Variants in PKD1L1 observed in about 807,000 individuals in gnomAD.
PKD1L1 encodes the protein polycystin 1 like 1, transient receptor potential channel interacting.
Under a neutral mutation model 323.4 loss-of-function variants are expected in PKD1L1, and 236 were observed. The ratio of observed to expected loss-of-function variants is 0.73; its 90% CI spans 0.66 to 0.81. The LOEUF (loss-of-function observed/expected upper bound fraction) is 0.81, where lower values mean the gene tolerates loss of function less well. Ranked by LOEUF, PKD1L1 falls within the 40% of genes least tolerant of loss-of-function variation. The pLI, the probability that PKD1L1 is intolerant of heterozygous loss-of-function variation, is 0.00. For synonymous variants in PKD1L1, 1,344 were observed against 1,335.0 expected (o/e 1.01, Z -0.15); for missense variants, 3,320 against 3,508.0 (o/e 0.95, Z 1.35).
At chr7:47,956,325 A>T in the PKD1L1 span, among the ~76,000 whole-genome samples, 18 of 152,222 alleles carry the variant, frequency 1.2e-4, no homozygotes, top group Non-Finnish European at 1.8e-4. Context: ...GACTCTTCAC[A>T]GGGGCACACT....
At chr7:47,888,213 A>C in intron 16 of PKD1L1, 63 bp from the exon 17 acceptor site, 1 of 1,515,638 alleles carries the variant, frequency 6.6e-7, no homozygotes, top group Non-Finnish European at 9.1e-7. Flanking sequence ...TGGTCACATT[A>C]ATTCATGTTA....
In PKD1L1 at chr7:47,775,048, T is replaced by G; in HGVS notation, c.*95A>C. 7.3e-7 allele frequency: 1 copy of G among 1,369,268 alleles called. No individual in the cohort carries two copies. 84.8% of individuals were successfully genotyped at this position (1,369,268 alleles called of 1,614,324 possible). On this transcript the variant is annotated 3_prime_UTR_variant, in exon 57 of 57. Coordinates refer to ENST00000289672, the MANE Select transcript of PKD1L1 (RefSeq NM_138295.5). ...ACAAAACTTCTTCGTACCTCAGCTC[T>G]TCTCACCTGCAAAACTAGGATGTCT...
chr7:47,950,553 C>CA (rs555179595), upstream of PKD1L1, among the ~76,000 whole-genome samples: 44 of 152,016 alleles, frequency 2.9e-4, no homozygotes, highest in African/African-American at 8.4e-4. Flanking sequence ...ACTAAAAATA[C>CA]AAAAAAATTA....
chr7:47,841,075 A>T (rs922411842), intron 34 of PKD1L1, among the ~76,000 whole-genome samples: 7 of 152,172 alleles, frequency 4.6e-5, no homozygotes, highest in Non-Finnish European at 1.0e-4. Flanking sequence ...CACTTATCAA[A>T]TTTTCATTTA....
At chr7:47,898,733 T>C (rs1312913523) in intron 13 of PKD1L1, among the ~76,000 whole-genome samples, 3 of 152,114 alleles carry the variant, frequency 2.0e-5, no homozygotes, top group Non-Finnish European at 4.4e-5. Context: ...CTCTAAAAAC[T>C]AAGGGAATTT....
Position 47,831,206 on chromosome 7 carries a change from C to A in PKD1L1, c.6473+11G>T. 1 of 1,609,170 alleles carries A rather than the reference C, an allele frequency of 6.2e-7. No individual in the cohort carries two copies. The highest frequency in any genetic ancestry group is 2.2e-5 in the East Asian group (1 of 44,868). On this transcript the variant is annotated intron_variant, in intron 42 of 56. Transcript: ENST00000289672. ...AGGACCTGAGGATGTTTGAAAAACT[C>A]TACAGCTCACCTGTAGGCTAGAAAT...
At chr7:47,832,144 G>C (rs1052770932) in intron 41 of PKD1L1, among the ~76,000 whole-genome samples, 1 of 152,220 alleles carries the variant, frequency 6.6e-6, no homozygotes, top group East Asian at 1.9e-4. Context: ...TAGGCAAACC[G>C]AGGGACACTG....
chr7:47,869,536 T>A lies in PKD1L1; in HGVS notation c.3897-2922A>T, dbSNP rs550711074. Among the ~76,000 whole-genome samples, 7 of 152,284 alleles carry A rather than the reference T, an allele frequency of 4.6e-5. No homozygotes were observed. In the South Asian group the frequency reaches 1.4e-3, roughly 32 times the overall value. On this transcript the variant is annotated intron_variant, in intron 24 of 56. Coordinates refer to ENST00000289672, the MANE Select transcript of PKD1L1 (RefSeq NM_138295.5). ...AAAGAGGGACATTTCCTAATGATAA[T>A]GTAGGTAAATTCACCAGGAAGGTTA...
chr7:47,951,938 C>A (rs1367865698), upstream of PKD1L1, among the ~76,000 whole-genome samples: 1 of 152,194 alleles, frequency 6.6e-6, no homozygotes, highest in Admixed American at 6.5e-5. Flanking sequence ...ACCTGGCCCA[C>A]CAGCATCACT....
chr7:47,802,303 C>A (rs1784681183), intron 53 of PKD1L1, among the ~76,000 whole-genome samples: 1 of 151,978 alleles, frequency 6.6e-6, no homozygotes, highest in South Asian at 2.1e-4. Context: ...CCAGTAGTAA[C>A]CTTCGGGGCA....
At chr7:47,828,497 G>A (rs1347709214) in intron 44 of PKD1L1, among the ~76,000 whole-genome samples, 1 of 152,062 alleles carries the variant, frequency 6.6e-6, no homozygotes, top group African/African-American at 2.4e-5. Flanking sequence ...AGGGCAAGGT[G>A]GGCCAGGTTT....
intron 3 of PKD1L1, among the ~76,000 whole-genome samples, chr7:47,938,705 C>T (rs1787918924): frequency 6.6e-6 from 1 of 152,142 alleles, no homozygotes; most frequent in African/African-American, 2.4e-5. Context: ...CACATTTCAC[C>T]AGGACCAAGC....
At chr7:47,933,375 T>C (rs1310348903) in intron 4 of PKD1L1, among the ~76,000 whole-genome samples, 2 of 152,202 alleles carry the variant, frequency 1.3e-5, no homozygotes, top group African/African-American at 4.8e-5. Flanking sequence ...CTTTAAAACT[T>C]GAGCCTCTCA....
At position 47,859,153 on chromosome 7, in the gene PKD1L1, C is replaced by T. The variant is rs2053987; in HGVS notation, c.4150-268G>A. Among the ~76,000 whole-genome samples, 85,027 of 152,104 alleles carry T rather than the reference C, an allele frequency of 0.56. 23,828 individuals carry two copies. The highest frequency in any genetic ancestry group is 0.6 in the South Asian group (2,896 of 4,810). On this transcript the variant is annotated intron_variant, in intron 26 of 56. Transcript: ENST00000289672. ...ATTGGCCAGCTTCCTAAGTAGCAAGCTGCTTTTTGATATTCGGCCTCTTGA... is the reference window on the plus strand; with the variant it reads ...ATTGGCCAGCTTCCTAAGTAGCAAGTTGCTTTTTGATATTCGGCCTCTTGA...
At chr7:47,910,335 C>CT (rs764658101) in intron 8 of PKD1L1, among the ~76,000 whole-genome samples, 15,375 of 137,480 alleles carry the variant, frequency 0.11, 1,056 homozygotes, top group East Asian at 0.25. Context: ...ATCTTACTTT[C>CT]TTTTTTTTTT....
intron 54 of PKD1L1, 88 bp downstream of exon 54, chr7:47,800,561 C>T: frequency 1.5e-6 from 2 of 1,337,242 alleles, no homozygotes; most frequent in Non-Finnish European, 1.0e-6. Context: ...TGTTGCCTGG[C>T]CCTGTCCACA....
chr7:47,829,468 G>A lies in PKD1L1; in HGVS notation c.6692C>T (p.Ser2231Phe), dbSNP rs1785299653. The change falls in exon 44 of 57, where the codon TCT becomes TTT. Residue 2231 changes from serine (S) to phenylalanine (F), a missense_variant. Transcript: ENST00000289672. The part of the protein sequence containing the change: ...AERSWTRLPF[S>F]SSCSIPDCAG... Reference sequence around the variant, plus strand: ...ACAGTCAGGAATACTGCAGCTTGAAGAGAAGGGGAGGCGAGTCCAGGAACG... The same window carrying A: ...ACAGTCAGGAATACTGCAGCTTGAAAAGAAGGGGAGGCGAGTCCAGGAACG... 1 of 1,613,992 alleles carries A rather than the reference G, an allele frequency of 6.2e-7. No individual in the cohort carries two copies. Among genetic ancestry groups the A allele is most frequent in the Non-Finnish European group, 8.5e-7 (1 of 1,180,024 alleles).
At chr7:47,815,978 T>A (rs1002249710) in intron 46 of PKD1L1, among the ~76,000 whole-genome samples, 8 of 152,058 alleles carry the variant, frequency 5.3e-5, no homozygotes, top group African/African-American at 1.9e-4. Flanking sequence ...CCCGTGGTCA[T>A]CTGAGAGAGG....
chr7:47,876,053 G>T, intron 23 of PKD1L1, 44 bp downstream of exon 23: 1 of 1,601,922 alleles, frequency 6.2e-7, no homozygotes, highest in Non-Finnish European at 8.5e-7. Context: ...GTTTAGAACT[G>T]TAGGTTGGCA....
Sources: allele counts gnomAD v4.1 joint callset (sites outside exome capture counted in the v4.1 genomes callset), GRCh38; gene constraint gnomAD v4.1.1; transcripts MANE v1.5; gene names NCBI Gene and HGNC (gene_info 2026-07-23, HGNC 2026-07-21).